Variants in ANO4 observed in about 807,000 individuals in gnomAD.
The protein encoded by ANO4 is anoctamin 4.
In ANO4, 69 loss-of-function variants were observed where a neutral mutation model predicts 141.9. That is an observed-to-expected ratio of 0.49 (90% CI 0.40 to 0.59). The LOEUF is 0.59. ANO4 is among the 20% of genes least tolerant of loss of function. The probability of loss-of-function intolerance (pLI) is 0.00; values close to 1 mark genes in which losing one functional copy is unlikely to be tolerated. For missense variants in ANO4, 894 were observed against 1,162.2 expected (o/e 0.77, Z 3.36); for synonymous variants, 350 against 394.3 (o/e 0.89, Z 1.33).
At chr12:100,752,928 C>T (rs1292008334) in intron 3 of ANO4, among the ~76,000 whole-genome samples, 1 of 152,226 alleles carries the variant, frequency 6.6e-6, no homozygotes, top group Non-Finnish European at 1.5e-5. Flanking sequence ...TTGGCCAGAG[C>T]TCTGCTGATC....
chr12:100,882,948 G>A (rs1190903847), intron 1 of ANO4, among the ~76,000 whole-genome samples: 1 of 152,112 alleles, frequency 6.6e-6, no homozygotes. Flanking sequence ...TGATCTGTCC[G>A]TCTTGGCCTC....
intron 1 of ANO4, among the ~76,000 whole-genome samples, chr12:100,818,041 ATTATTAC>A (rs1484107309): frequency 2.0e-5 from 3 of 151,696 alleles, no homozygotes; most frequent in African/African-American, 4.8e-5. Flanking sequence ...CCTTATTATT[ATTATTAC>A]TTATTATTGA....
chr12:101,004,453 T>G (rs1403259738), intron 8 of ANO4, among the ~76,000 whole-genome samples: 2 of 152,148 alleles, frequency 1.3e-5, no homozygotes, highest in African/African-American at 4.8e-5. Flanking sequence ...AGAGGATCAT[T>G]GCTGACAGGA....
intron 1 of ANO4, among the ~76,000 whole-genome samples, chr12:100,888,966 C>A (rs2039972790): frequency 6.6e-6 from 1 of 151,276 alleles, no homozygotes; most frequent in Non-Finnish European, 1.5e-5. Context: ...TGCCATGCTG[C>A]TGTGCTGCAC....
At chr12:100,934,687 G>A (rs1365468328) in intron 3 of ANO4, among the ~76,000 whole-genome samples, 1 of 152,060 alleles carries the variant, frequency 6.6e-6, no homozygotes, top group East Asian at 1.9e-4. Flanking sequence ...TGGGCAGTAT[G>A]GCCATTTTCA....
At chr12:101,010,041 C>T (rs2046020721) in intron 8 of ANO4, among the ~76,000 whole-genome samples, 2 of 151,976 alleles carry the variant, frequency 1.3e-5, no homozygotes, top group South Asian at 2.1e-4. Context: ...TTGGGTTTTC[C>T]CCAGAACTGG....
chr12:100,952,028 C>T (rs535782025), intron 5 of ANO4, among the ~76,000 whole-genome samples: 1 of 152,166 alleles, frequency 6.6e-6, no homozygotes, highest in Non-Finnish European at 1.5e-5. Flanking sequence ...GCTGAGAATC[C>T]CTGGGTTTGA....
chr12:100,999,352 A>C (rs1227719663), intron 8 of ANO4, among the ~76,000 whole-genome samples: 1 of 152,118 alleles, frequency 6.6e-6, no homozygotes, highest in Non-Finnish European at 1.5e-5. Context: ...TTCTCACATC[A>C]CATCACTCTG....
At chr12:101,004,737 G>T (rs560526180) in intron 8 of ANO4, among the ~76,000 whole-genome samples, 1 of 152,250 alleles carries the variant, frequency 6.6e-6, no homozygotes, top group African/African-American at 2.4e-5. Flanking sequence ...AAATAAAAAT[G>T]TCCCTTGGAA....
chr12:101,068,041 T>G (rs2048662365), intron 14 of ANO4, among the ~76,000 whole-genome samples: 1 of 152,222 alleles, frequency 6.6e-6, no homozygotes, highest in South Asian at 2.1e-4. Flanking sequence ...ACTGTTGTGC[T>G]CTGAACGATT....
At chr12:100,980,315 G>C (rs968785372) in intron 7 of ANO4, among the ~76,000 whole-genome samples, 1 of 152,162 alleles carries the variant, frequency 6.6e-6, no homozygotes, top group Non-Finnish European at 1.5e-5. Flanking sequence ...CCCAGTGTAT[G>C]GTGTACATTT....
chr12:101,025,319 C>T (rs1398925590), intron 9 of ANO4, among the ~76,000 whole-genome samples: 1 of 152,228 alleles, frequency 6.6e-6, no homozygotes, highest in African/African-American at 2.4e-5. Flanking sequence ...AGTTTCTAGA[C>T]AGCACCATGA....
intron 3 of ANO4, among the ~76,000 whole-genome samples, chr12:100,759,414 A>T (rs1408612853): frequency 6.6e-6 from 1 of 152,184 alleles, no homozygotes; most frequent in Non-Finnish European, 1.5e-5. Flanking sequence ...TCAATGATGA[A>T]TTCTTATCTT....
At position 100,922,337 on chromosome 12, in the gene ANO4, T is replaced by C; in HGVS notation, c.160+7T>C. ...CTTAATGCAATACAAGAAAGTAAGTTTCACTCAAATTTTAAATTCGCCGTG... is the reference window on the plus strand; with the variant it reads ...CTTAATGCAATACAAGAAAGTAAGTCTCACTCAAATTTTAAATTCGCCGTG... On this transcript the variant is annotated splice_region_variant and intron_variant, in intron 3 of 27. Coordinates refer to ENST00000392977, the MANE Select transcript of ANO4 (RefSeq NM_001286615.2). 1 of 1,514,194 alleles carries C rather than the reference T, an allele frequency of 6.6e-7. No homozygotes were observed. Among genetic ancestry groups the C allele is most frequent in the Non-Finnish European group, 8.8e-7 (1 of 1,137,966 alleles). The allele number at this position is 1,514,194 out of a possible 1,614,324, so 93.8% of individuals were successfully genotyped here.
intron 9 of ANO4, among the ~76,000 whole-genome samples, chr12:101,022,202 T>G (rs2046562428): frequency 6.6e-6 from 1 of 152,230 alleles, no homozygotes; most frequent in Non-Finnish European, 1.5e-5. Flanking sequence ...AAACCTGATT[T>G]AGGTCTTTCT....
At chr12:100,843,546 C>T (rs184689262) in intron 1 of ANO4, among the ~76,000 whole-genome samples, 6 of 152,234 alleles carry the variant, frequency 3.9e-5, no homozygotes, top group Admixed American at 3.9e-4. Flanking sequence ...AAGGGCCTTA[C>T]CAATATCAAA....
chr12:100,834,562 C>A (rs1434156664), intron 1 of ANO4, among the ~76,000 whole-genome samples: 1 of 151,856 alleles, frequency 6.6e-6, no homozygotes. Context: ...ATACATGTAC[C>A]AACATTTATC....
In ANO4 at chr12:100,897,298, G is replaced by C. The variant is rs569183441; in HGVS notation, c.-140-4348G>C. The stretch of plus-strand genomic sequence containing the variant: ...GTTGGAGAGGAGGCTATCTGATGAG[G>C]CTGAGGGAGGCAGCTAAGTTTCTGA... On this transcript the variant is annotated intron_variant, in intron 1 of 27. Coordinates refer to ENST00000392977, the MANE Select transcript of ANO4 (RefSeq NM_001286615.2). 4.6e-5 allele frequency among the ~76,000 whole-genome samples: 7 copies of C among 152,328 alleles called. No individual in the cohort carries two copies. The South Asian group carries it at 1.2e-3, about 27-fold the overall frequency.
intron 22 of ANO4, among the ~76,000 whole-genome samples, chr12:101,102,078 C>T (rs531976516): frequency 2.0e-5 from 3 of 151,448 alleles, no homozygotes; most frequent in South Asian, 2.1e-4. Context: ...AGCAAAACTC[C>T]GTCTCAAAAA....
Sources: gnomAD v4.1 joint callset for allele counts (sites outside exome capture counted in the v4.1 genomes callset) on GRCh38, gnomAD v4.1.1 for gene constraint, MANE v1.5 for transcripts, NCBI Gene and HGNC (gene_info 2026-07-23, HGNC 2026-07-21) for gene names.